Variants in DNM2 observed in about 807,000 individuals in gnomAD.
DNM2 encodes dynamin-2.
A neutral mutation model predicts 99.0 loss-of-function variants in DNM2; 15 were observed. The observed-to-expected ratio is 0.15, with a 90% confidence interval of 0.10 to 0.23. The LOEUF (loss-of-function observed/expected upper bound fraction) is 0.23, where lower values mean the gene tolerates loss of function less well. Among genes scored for constraint, DNM2 ranks in the 10% least tolerant of loss-of-function variants. The pLI, the probability that DNM2 is intolerant of heterozygous loss-of-function variation, is 1.00. For synonymous variants in DNM2, 525 were observed against 481.2 expected (o/e 1.09, Z -1.19); for missense variants, 742 against 1,189.4 (o/e 0.62, Z 5.53).
chr19:10,803,283 G>C (rs909572492), intron 12 of DNM2, among the ~76,000 whole-genome samples: 1 of 152,142 alleles, frequency 6.6e-6, no homozygotes, highest in African/African-American at 2.4e-5. Flanking sequence ...AACATTTATC[G>C]GTGCACCTGA....
chr19:10,813,790 C>T (rs2072635590), intron 15 of DNM2, among the ~76,000 whole-genome samples: 2 of 149,378 alleles, frequency 1.3e-5, no homozygotes, highest in Admixed American at 1.3e-4. Context: ...CACACCACTG[C>T]ACTCCAGCCT....
At position 10,817,054 on chromosome 19, in the gene DNM2, C is replaced by G. The variant is rs531600473; in HGVS notation, c.1672-2926C>G. On this transcript the variant is annotated intron_variant, in intron 15 of 20. Transcript: ENST00000389253. The surrounding 1 kb of genome is among the most constrained non-coding windows in gnomAD (Gnocchi z 4.6). ...GGAGGGGGCAGCCATGGAACCTGACCCCCGCCACCACCCAAGTTAGGATCC... is the reference window on the plus strand; with the variant it reads ...GGAGGGGGCAGCCATGGAACCTGACGCCCGCCACCACCCAAGTTAGGATCC... 2.0e-3 allele frequency among the ~76,000 whole-genome samples: 310 copies of G among 152,308 alleles called. 1 individual carries two copies. Among genetic ancestry groups the G allele is most frequent in the African/African-American group, 7.1e-3 (295 of 41,560 alleles).
chr19:10,830,214 G>A lies in DNM2; in HGVS notation c.2379G>A (p.Leu793=). The A allele has an allele frequency of 1.2e-6, 2 of 1,613,902 alleles. No individual in the cohort carries two copies. Among genetic ancestry groups the A allele is most frequent in the South Asian group, 2.2e-5 (2 of 91,076 alleles). The change falls in exon 20 of 21, where the codon CTG becomes CTA. Residue 793 remains leucine, a synonymous_variant. Transcript: ENST00000389253. The surrounding 1 kb of genome is among the most constrained non-coding windows in gnomAD (Gnocchi z 4.8). Reference sequence around the variant, plus strand: ...GGGGCCCCACTCCAGGGCCCCCCCTGATTCCTGTTCCCGTGGGGGCAGCAG... The same window carrying A: ...GGGGCCCCACTCCAGGGCCCCCCCTAATTCCTGTTCCCGTGGGGGCAGCAG... ...AVRGPTPGPP[L]IPVPVGAAAS... is the part of the protein sequence containing the mutation.
At chr19:10,734,902 A>C (rs1334477896) in intron 1 of DNM2, among the ~76,000 whole-genome samples, 1 of 150,694 alleles carries the variant, frequency 6.6e-6, no homozygotes, top group Non-Finnish European at 1.5e-5. Flanking sequence ...CTTGTTTTTT[A>C]TAACCTTGGT....
intron 5 of DNM2, among the ~76,000 whole-genome samples, chr19:10,778,120 C>T (rs1174545572): frequency 2.6e-5 from 4 of 151,426 alleles, no homozygotes; most frequent in African/African-American, 7.3e-5. Flanking sequence ...CTGCAACCTC[C>T]ACCTCCCAGG....
rs1204282460 is a variant in DNM2, at chr19:10,811,813, A to G, written c.1558-451A>G. 1 of 517,672 alleles carries G rather than the reference A, an allele frequency of 1.9e-6. No homozygotes were observed. Among genetic ancestry groups the G allele is most frequent in the Non-Finnish European group, 3.9e-6 (1 of 259,524 alleles). 32.1% of individuals were successfully genotyped at this position (517,672 alleles called of 1,614,324 possible). On this transcript the variant is annotated intron_variant, in intron 14 of 20. Coordinates refer to ENST00000389253, the MANE Select transcript of DNM2 (RefSeq NM_001005361.3). The surrounding 1 kb of genome is among the most constrained non-coding windows in gnomAD (Gnocchi z 5.4). ...ACCAGGCTTGCAGCCAGCTTGGGAC[A>G]TGAGCCGCGCTCCTTCAATGTCCTT...
chr19:10,768,589 C>G (rs1374469849), intron 2 of DNM2: 1 of 152,326 alleles, frequency 6.6e-6, no homozygotes, highest in African/African-American at 2.4e-5. Context: ...CTGGTTCCAG[C>G]CCCATCTCGT....
chr19:10,793,072 GGT>G (rs1194301992), intron 7 of DNM2, among the ~76,000 whole-genome samples: 1 of 152,086 alleles, frequency 6.6e-6, no homozygotes, highest in Non-Finnish European at 1.5e-5. Context: ...TGTGAAACCA[GGT>G]GTCTTTGCAG....
chr19:10,806,307 G>A (rs929066006), intron 13 of DNM2, among the ~76,000 whole-genome samples: 5 of 151,746 alleles, frequency 3.3e-5, no homozygotes, highest in East Asian at 1.9e-4. Flanking sequence ...ATCACTTGAG[G>A]CTAAGAGTTT....
Position 10,797,525 on chromosome 19 carries a change from G to A in DNM2, c.1335+7G>A. 6.2e-7 allele frequency: 1 copy of A among 1,614,044 alleles called. No individual in the cohort carries two copies. Among genetic ancestry groups the A allele is most frequent in the Non-Finnish European group, 8.5e-7 (1 of 1,180,014 alleles). Reference sequence around the variant, plus strand: ...AAAAAAGTGTGCCGAGAAGGTAACAGGTTTTGTTCTCATCTCCGCATTTGT... The same window carrying A: ...AAAAAAGTGTGCCGAGAAGGTAACAAGTTTTGTTCTCATCTCCGCATTTGT... On this transcript the variant is annotated splice_region_variant and intron_variant, in intron 10 of 20. Transcript: ENST00000389253.
chr19:10,802,205 G>A, intron 11 of DNM2, 83 bp from the exon 12 acceptor site: 2 of 1,494,164 alleles, frequency 1.3e-6, no homozygotes, highest in Non-Finnish European at 1.9e-6. Flanking sequence ...CTTCCCTGCT[G>A]GCAAGGCCAG....
rs377009386 is a variant in DNM2, at chr19:10,823,863, G to A, written c.1857G>A (p.Ser619=). ...AAGACGTGGACAGCTGGAAGGCCTC[G>A]TTCCTCCGAGCTGGCGTCTACCCCG... is the stretch of plus-strand genomic sequence containing the variant. ...SQEDVDSWKA[S]FLRAGVYPEK... is the part of the protein sequence containing the mutation. The change falls in exon 17 of 21, where the codon TCG becomes TCA. Residue 619 remains serine (S), a synonymous_variant. Coordinates refer to ENST00000389253, the MANE Select transcript of DNM2 (RefSeq NM_001005361.3). 24 of 1,613,636 alleles carry A rather than the reference G, an allele frequency of 1.5e-5. No homozygotes were observed. The highest frequency in any genetic ancestry group is 1.0e-4 in the Admixed American group (6 of 59,982).
At chr19:10,799,250 A>AT (rs1042986772) in intron 11 of DNM2, among the ~76,000 whole-genome samples, 12 of 151,802 alleles carry the variant, frequency 7.9e-5, no homozygotes, top group African/African-American at 2.9e-4. Flanking sequence ...AGCAAAGGAA[A>AT]TCCCCAGGCC....
intron 2 of DNM2, among the ~76,000 whole-genome samples, chr19:10,760,386 G>A (rs555718386): frequency 1.3e-5 from 2 of 152,058 alleles, no homozygotes; most frequent in South Asian, 2.1e-4. Context: ...TTTGCTGAAC[G>A]CTTTCAAAGT....
chr19:10,730,440 T>C (rs919988252), intron 1 of DNM2, among the ~76,000 whole-genome samples: 2 of 152,026 alleles, frequency 1.3e-5, no homozygotes, highest in Admixed American at 6.6e-5. Flanking sequence ...CACTGTGCCA[T>C]TGCACTGCAG....
At chr19:10,763,140 A>T (rs1292353368) in intron 2 of DNM2, 1 of 152,822 alleles carries the variant, frequency 6.5e-6, no homozygotes, top group African/African-American at 2.4e-5. Flanking sequence ...CAGTGGCACG[A>T]TCTCGGCTCA....
intron 1 of DNM2, among the ~76,000 whole-genome samples, chr19:10,757,569 G>A (rs1266381558): frequency 2.0e-5 from 3 of 152,112 alleles, no homozygotes; most frequent in Admixed American, 2.0e-4. Context: ...TCTGTACAGG[G>A]CACAGCTGTA....
rs1392215825 is a variant in DNM2, at chr19:10,797,444, A to C, written c.1261A>C (p.Lys421Gln). The C allele has an allele frequency of 6.2e-7, 1 of 1,614,058 alleles. No individual in the cohort carries two copies. The change falls in exon 10 of 21, where the codon AAA (lysine) becomes CAA (glutamine). Residue 421 changes from lysine to glutamine, a missense_variant. Physicochemically the swap from Lys to Gln is moderately conservative, Grantham distance 53. Around this residue, in one of 7 missense-constraint regions of DNM2, gnomAD observed 240 missense variants for 431.3 expected, o/e 0.56. Transcript: ENST00000389253. ...TGTGAAAAAACAGATTGTAAAACTC[A>C]AAGAGCCGAGTTTGAAGTGTGTTGA... Reference protein sequence around the residue: ...AIVKKQIVKLKEPSLKCVDLV... With the variant: ...AIVKKQIVKLQEPSLKCVDLV...
At chr19:10,819,936 G>A in intron 15 of DNM2, 44 bp from the exon 16 acceptor site, 1 of 1,601,610 alleles carries the variant, frequency 6.2e-7, no homozygotes, top group Non-Finnish European at 8.6e-7. Flanking sequence ...ATCCTGAGTT[G>A]TCACGTGGAC....
Sources: allele counts gnomAD v4.1 joint callset (sites outside exome capture counted in the v4.1 genomes callset), GRCh38; gene constraint gnomAD v4.1.1; regional missense constraint gnomAD v4.1.1; non-coding constraint Gnocchi (gnomAD v3.1); transcripts MANE v1.5; gene names NCBI Gene and HGNC (gene_info 2026-07-23, HGNC 2026-07-21).